Variants in CACNA2D3 observed in about 807,000 individuals in gnomAD.
CACNA2D3 encodes the protein voltage-dependent calcium channel subunit alpha-2/delta-3.
A neutral mutation model predicts 160.6 loss-of-function variants in CACNA2D3; 60 were observed. The observed-to-expected ratio is 0.37, with a 90% CI of 0.30 to 0.46. The LOEUF is 0.46. Ranked by LOEUF, CACNA2D3 falls within the 20% of genes least tolerant of loss-of-function variation. The pLI is 1.00. For missense variants in CACNA2D3, 1,205 were observed against 1,365.0 expected (o/e 0.88, Z 1.85); for synonymous variants, 558 against 492.9 (o/e 1.13, Z -1.75).
intron 3 of CACNA2D3, among the ~76,000 whole-genome samples, chr3:54,382,183 G>T (rs114371871): frequency 0.021 from 3,246 of 152,194 alleles, 110 homozygotes; most frequent in African/African-American, 0.075. Flanking sequence ...TCATATAAAA[G>T]AAAATTAACA....
At chr3:54,574,287 C>T (rs1336383583) in intron 8 of CACNA2D3, among the ~76,000 whole-genome samples, 1 of 151,970 alleles carries the variant, frequency 6.6e-6, no homozygotes, top group Non-Finnish European at 1.5e-5. Context: ...ATTTTCAGTG[C>T]CATAATGGAG....
At chr3:54,990,127 G>C (rs1559456670) in intron 31 of CACNA2D3, among the ~76,000 whole-genome samples, 6 of 152,200 alleles carry the variant, frequency 3.9e-5, no homozygotes, top group Admixed American at 3.9e-4. Context: ...GGTTAGCCCA[G>C]GTGAAACTCG....
chr3:54,589,292 A>T (rs987200128), intron 9 of CACNA2D3, among the ~76,000 whole-genome samples: 4 of 152,176 alleles, frequency 2.6e-5, no homozygotes, highest in Admixed American at 2.6e-4. Flanking sequence ...TTTTCAACAA[A>T]TGGCTCTGGA....
intron 35 of CACNA2D3, among the ~76,000 whole-genome samples, chr3:55,036,637 G>A (rs1474445201): frequency 1.3e-5 from 2 of 151,040 alleles, no homozygotes; most frequent in African/African-American, 4.9e-5. Flanking sequence ...CCAACTAGTT[G>A]TTGTACTTTT....
chr3:54,332,620 T>G (rs1410376204), intron 3 of CACNA2D3, among the ~76,000 whole-genome samples: 1 of 147,292 alleles, frequency 6.8e-6, no homozygotes, highest in Non-Finnish European at 1.5e-5. Context: ...CTGTCGGGAG[T>G]GGGATGAAGT....
intron 34 of CACNA2D3, 93 bp from the exon 35 acceptor site, chr3:55,018,113 G>A (rs945569675): frequency 6.2e-5 from 45 of 726,254 alleles, no homozygotes; most frequent in Admixed American, 2.1e-4. Flanking sequence ...CAGCAGAAGC[G>A]GAACTGTGTT....
intron 13 of CACNA2D3, among the ~76,000 whole-genome samples, chr3:54,798,885 G>C (rs1043951850): frequency 2.0e-5 from 3 of 152,178 alleles, no homozygotes; most frequent in African/African-American, 7.2e-5. Flanking sequence ...CCCCAGACCT[G>C]AGCCTTTTGC....
In CACNA2D3 at chr3:54,861,614, A is replaced by G. The variant is rs138674523; in HGVS notation, c.1627-9925A>G. Among the ~76,000 whole-genome samples the G allele has an allele frequency of 7.1e-3, 1,076 of 152,342 alleles. 9 individuals are homozygous for G. The highest frequency in any genetic ancestry group is 0.011 in the Admixed American group (172 of 15,306). On this transcript the variant is annotated intron_variant, in intron 17 of 37. Coordinates refer to ENST00000474759, the MANE Select transcript of CACNA2D3 (RefSeq NM_018398.3). ...GAGAATGGATTGGAAGGGTTAGAGT[A>G]CAGGCAGGGAGACCGCTTAGGGGAT...
chr3:54,347,430 G>A (rs1449225241), intron 3 of CACNA2D3, among the ~76,000 whole-genome samples: 1 of 152,078 alleles, frequency 6.6e-6, no homozygotes, highest in Non-Finnish European at 1.5e-5. Flanking sequence ...GCTGAAGTGG[G>A]GATCTTTACT....
At chr3:54,601,467 C>T (rs958930414) in intron 9 of CACNA2D3, among the ~76,000 whole-genome samples, 5 of 152,118 alleles carry the variant, frequency 3.3e-5, no homozygotes, top group Non-Finnish European at 7.3e-5. Context: ...CTCAGCCTCC[C>T]TAAGTGCTGG....
chr3:54,778,480 C>T (rs960355429), intron 13 of CACNA2D3, among the ~76,000 whole-genome samples: 2 of 152,090 alleles, frequency 1.3e-5, no homozygotes, highest in African/African-American at 4.8e-5. Flanking sequence ...CCTTTGGTCT[C>T]AGTTTCATCA....
intron 4 of CACNA2D3, among the ~76,000 whole-genome samples, chr3:54,450,497 G>T (rs961060833): frequency 6.6e-6 from 1 of 152,132 alleles, no homozygotes; most frequent in South Asian, 2.1e-4. Flanking sequence ...GGCCTAATGG[G>T]AAGTGTTGGG....
intron 17 of CACNA2D3, among the ~76,000 whole-genome samples, chr3:54,855,055 A>G (rs1364676791): frequency 6.6e-6 from 1 of 152,200 alleles, no homozygotes; most frequent in Non-Finnish European, 1.5e-5. Context: ...ACAAAATGCC[A>G]GGTTGGGCTG....
At chr3:54,667,162 GT>G (rs1700082226) in intron 11 of CACNA2D3, among the ~76,000 whole-genome samples, 1 of 152,120 alleles carries the variant, frequency 6.6e-6, no homozygotes, top group African/African-American at 2.4e-5. Context: ...CATGAACACT[GT>G]TTTAAAACTC....
intron 4 of CACNA2D3, among the ~76,000 whole-genome samples, chr3:54,460,980 C>A (rs1382223348): frequency 6.6e-6 from 1 of 152,082 alleles, no homozygotes; most frequent in Non-Finnish European, 1.5e-5. Context: ...GAGTTTTTAG[C>A]ATGAAGAGTT....
At chr3:54,559,244 T>G (rs1434762006) in intron 5 of CACNA2D3, among the ~76,000 whole-genome samples, 1 of 152,160 alleles carries the variant, frequency 6.6e-6, no homozygotes, top group Admixed American at 6.5e-5. Flanking sequence ...CAGGAAATAC[T>G]TGTTTATTCT....
chr3:54,937,020 A>G lies in CACNA2D3; in HGVS notation c.2450-31430A>G, dbSNP rs544386465. Among the ~76,000 whole-genome samples, 15 of 152,086 alleles carry G rather than the reference A, an allele frequency of 9.9e-5. No individual in the cohort carries two copies. The South Asian group carries it at 1.3e-3, about 13-fold the overall frequency. The stretch of plus-strand genomic sequence containing the variant: ...CAGCTGAGTGCCGCTGTGTGTGAGG[A>G]GGTGCTAAGGTGGTTAGATTTGCTG... On this transcript the variant is annotated intron_variant, in intron 27 of 37. Transcript: ENST00000474759.
intron 9 of CACNA2D3, among the ~76,000 whole-genome samples, chr3:54,603,257 C>G (rs1188881583): frequency 6.6e-6 from 1 of 152,212 alleles, no homozygotes; most frequent in African/African-American, 2.4e-5. Flanking sequence ...CGCTGCCCCC[C>G]ACCACCTCCT....
At chr3:54,643,666 GTA>G (rs1699573704) in intron 11 of CACNA2D3, among the ~76,000 whole-genome samples, 1 of 152,190 alleles carries the variant, frequency 6.6e-6, no homozygotes, top group Non-Finnish European at 1.5e-5. Flanking sequence ...CCAGAGACAG[GTA>G]GAGGCCAGAA....
Sources: gnomAD v4.1 joint callset for allele counts (sites outside exome capture counted in the v4.1 genomes callset) on GRCh38, gnomAD v4.1.1 for gene constraint, MANE v1.5 for transcripts, NCBI Gene and HGNC (gene_info 2026-07-23, HGNC 2026-07-21) for gene names.